CDH18: variants seen among roughly 807,000 people sequenced by gnomAD.
The protein encoded by CDH18 is cadherin 18.
In CDH18, 31 loss-of-function variants were observed where a neutral mutation model predicts 67.9. That is an observed-to-expected ratio of 0.46 (90% CI 0.34 to 0.62). CDH18 has a LOEUF of 0.62. Ranked by LOEUF, CDH18 falls within the 20% of genes least tolerant of loss-of-function variation. CDH18 has a pLI of 0.01. For synonymous variants in CDH18, 362 were observed against 347.2 expected (o/e 1.04, Z -0.48); for missense variants, 890 against 975.5 (o/e 0.91, Z 1.17).
rs34972691 is a variant in CDH18 at position 19,473,030 on chromosome 5, CTTTT to C, written c.*192_*195del. 1.6e-3 allele frequency: 644 copies of C among 404,606 alleles called. No individual in the cohort carries two copies. Among genetic ancestry groups the C allele is most frequent in the Non-Finnish European group, 1.8e-3 (419 of 231,004 alleles). The allele number at this position is 404,606 out of a possible 1,614,324, so 25.1% of individuals were successfully genotyped here. A position where few individuals can be genotyped will look rare whatever the true frequency, so the allele number is the denominator to read the frequency against. ...AACAATAACTTTTTCTTTGTATTGTCTTTTTTTTTTTTTTTTTACTTTCTTCCAA... is the reference window on the plus strand; with the variant it reads ...AACAATAACTTTTTCTTTGTATTGTCTTTTTTTTTTTTTACTTTCTTCCAA... On this transcript the variant is annotated 3_prime_UTR_variant, in exon 13 of 13. Transcript: ENST00000382275.
At chr5:20,363,516 T>C (rs989465123) in intron 1 of CDH18, among the ~76,000 whole-genome samples, 2 of 150,990 alleles carry the variant, frequency 1.3e-5, no homozygotes, top group African/African-American at 2.4e-5. Context: ...GTGTCTCTGT[T>C]ACGTCCCATA....
intron 1 of CDH18, among the ~76,000 whole-genome samples, chr5:20,334,546 CAGAG>C (rs1739531079): frequency 6.6e-6 from 1 of 151,976 alleles, no homozygotes; most frequent in African/African-American, 2.4e-5. Flanking sequence ...TAATGTCAAT[CAGAG>C]AGAAGAGGGA....
intron 1 of CDH18, among the ~76,000 whole-genome samples, chr5:20,269,014 A>G (rs1395815207): frequency 1.3e-5 from 2 of 152,172 alleles, no homozygotes; most frequent in Non-Finnish European, 2.9e-5. Context: ...GAAGTAACAC[A>G]AATGACTGAA....
At chr5:19,737,023 G>A (rs1768425695) in intron 4 of CDH18, among the ~76,000 whole-genome samples, 1 of 152,352 alleles carries the variant, frequency 6.6e-6, no homozygotes, top group South Asian at 2.1e-4. Context: ...ACTGATCAAT[G>A]AAAACCAGTG....
intron 3 of CDH18, among the ~76,000 whole-genome samples, chr5:19,756,358 C>T (rs756449368): frequency 5.9e-5 from 9 of 152,146 alleles, no homozygotes; most frequent in Non-Finnish European, 1.3e-4. Flanking sequence ...GTCACGTGGT[C>T]GTAGCTGGTA....
At chr5:19,997,560 A>T (rs2150396178) in intron 2 of CDH18, among the ~76,000 whole-genome samples, 1 of 152,260 alleles carries the variant, frequency 6.6e-6, no homozygotes, top group East Asian at 1.9e-4. Context: ...CTAGGTACTC[A>T]GCAGAGAGTA....
intron 1 of CDH18, among the ~76,000 whole-genome samples, chr5:20,531,118 G>A (rs1756373837): frequency 6.6e-6 from 1 of 152,026 alleles, no homozygotes. Flanking sequence ...CTTTTATATG[G>A]CCAACAAACA....
intron 1 of CDH18, among the ~76,000 whole-genome samples, chr5:20,302,807 T>C (rs1370077854): frequency 7.9e-5 from 12 of 152,194 alleles, no homozygotes; most frequent in Admixed American, 7.9e-4. Flanking sequence ...GATCAGCTGC[T>C]ACTAGTCTCA....
At chr5:19,861,912 C>A (rs1784949983) in intron 2 of CDH18, among the ~76,000 whole-genome samples, 1 of 152,046 alleles carries the variant, frequency 6.6e-6, no homozygotes, top group Admixed American at 6.6e-5. Context: ...GTAGAAATCC[C>A]ATTTAGAACT....
chr5:20,238,937 G>A (rs1418687710), intron 2 of CDH18, among the ~76,000 whole-genome samples: 2 of 152,094 alleles, frequency 1.3e-5, no homozygotes, highest in Non-Finnish European at 2.9e-5. Flanking sequence ...GGAAAAATCT[G>A]TAAGCAACTC....
intron 2 of CDH18, among the ~76,000 whole-genome samples, chr5:20,056,838 C>T (rs188177476): frequency 0.013 from 2,032 of 151,672 alleles, 17 homozygotes; most frequent in Non-Finnish European, 0.02. Context: ...CGCCCACCAC[C>T]ACGCCCGGCT....
rs1360200186 is a variant in CDH18, at chr5:19,571,968, T to C, written c.1000-136A>G. The C allele has an allele frequency of 4.3e-6, 3 of 696,916 alleles. No homozygotes were observed. In the East Asian group the frequency reaches 8.2e-5, roughly 19 times the overall value. 43.2% of individuals were successfully genotyped at this position (696,916 alleles called of 1,614,324 possible). On this transcript the variant is annotated intron_variant, in intron 7 of 12. Transcript: ENST00000382275. ...AGAGAGATAAGTCATTCTAGCTTTG[T>C]TCTAAAACGAACTATGAAGATTATT...
chr5:20,529,733 A>G (rs1320594100), intron 1 of CDH18, among the ~76,000 whole-genome samples: 1 of 152,046 alleles, frequency 6.6e-6, no homozygotes, highest in East Asian at 1.9e-4. Flanking sequence ...TTGAAGGAAC[A>G]TACTGCAAAA....
At chr5:19,772,354 AAG>A (rs1290358166) in intron 3 of CDH18, among the ~76,000 whole-genome samples, 1 of 152,172 alleles carries the variant, frequency 6.6e-6, no homozygotes, top group Non-Finnish European at 1.5e-5. Context: ...GAGTTGTTAT[AAG>A]AGAAAAGGGG....
chr5:20,349,958 C>T (rs1253457754), intron 1 of CDH18, among the ~76,000 whole-genome samples: 1 of 152,056 alleles, frequency 6.6e-6, no homozygotes, highest in Non-Finnish European at 1.5e-5. Flanking sequence ...TCACAGTTGG[C>T]CAAGGTCAAG....
chr5:19,783,346 G>A (rs1178195327), intron 3 of CDH18, among the ~76,000 whole-genome samples: 1 of 152,136 alleles, frequency 6.6e-6, no homozygotes, highest in Non-Finnish European at 1.5e-5. Context: ...AGCTGTGGAT[G>A]TGGAAAGAAT....
At chr5:19,767,229 C>T (rs373448392) in intron 3 of CDH18, among the ~76,000 whole-genome samples, 2 of 151,728 alleles carry the variant, frequency 1.3e-5, no homozygotes, top group East Asian at 3.9e-4. Flanking sequence ...AGACAACCTA[C>T]TATTAAAAGC....
chr5:19,910,529 A>G (rs1035222861), intron 2 of CDH18, among the ~76,000 whole-genome samples: 1 of 152,178 alleles, frequency 6.6e-6, no homozygotes, highest in Non-Finnish European at 1.5e-5. Context: ...ATGGTCAGAG[A>G]TATTTCTAGG....
At chr5:19,858,297 G>A (rs1292301472) in intron 2 of CDH18, among the ~76,000 whole-genome samples, 1 of 152,120 alleles carries the variant, frequency 6.6e-6, no homozygotes, top group Non-Finnish European at 1.5e-5. Flanking sequence ...AAGATAATGA[G>A]TTGGGGATAC....
Sources: gnomAD v4.1 joint callset for allele counts (sites outside exome capture counted in the v4.1 genomes callset) on GRCh38, gnomAD v4.1.1 for gene constraint, MANE v1.5 for transcripts, NCBI Gene and HGNC (gene_info 2026-07-23, HGNC 2026-07-21) for gene names.